Variants in ABCC8 observed in about 807,000 individuals in gnomAD.
ABCC8 encodes ATP-binding cassette sub-family C member 8.
Under a neutral mutation model 188.0 loss-of-function variants are expected in ABCC8, and 137 were observed. That is an observed-to-expected ratio of 0.73 (90% CI 0.63 to 0.84). The LOEUF (loss-of-function observed/expected upper bound fraction) is 0.84. ABCC8 is among the 40% of genes least tolerant of loss of function. The pLI is 0.00. For synonymous variants in ABCC8, 797 were observed against 846.5 expected (o/e 0.94, Z 1.01); for missense variants, 1,750 against 2,072.7 (o/e 0.84, Z 3.02).
chr11:17,410,368 C>A, intron 22 of ABCC8, 148 bp downstream of exon 22: 4 of 892,448 alleles, frequency 4.5e-6, no homozygotes, highest in Non-Finnish European at 7.1e-6. Context: ...CTGAAATGCC[C>A]AGCATGCATA....
At chr11:17,397,476 G>A in intron 31 of ABCC8, 163 bp from the exon 32 acceptor site, 1 of 1,466,602 alleles carries the variant, frequency 6.8e-7, no homozygotes, top group Non-Finnish European at 9.2e-7. Flanking sequence ...CACAGGGAGG[G>A]TCAGTCATGT....
In ABCC8 at chr11:17,406,754, A is replaced by G. The variant is rs762926617; in HGVS notation, c.3197T>C (p.Val1066Ala). ...GCCCAGGCTGCAGAGCACCGTGAACACCATGGCATAGACAGTCTGGTCGAG... is the reference window on the plus strand; with the variant it reads ...GCCCAGGCTGCAGAGCACCGTGAACGCCATGGCATAGACAGTCTGGTCGAG... ...CTLDQTVYAMVFTVLCSLGIV... is the reference protein window; with the variant it reads ...CTLDQTVYAMAFTVLCSLGIV... Residue 1066 changes from valine (V) to alanine (A), a missense_variant, in exon 26 of 39, where the codon GTG becomes GCG. Val to Ala is a moderately conservative substitution (Grantham distance 64). Transcript: ENST00000389817. 6.2e-7 allele frequency: 1 copy of G among 1,614,194 alleles called. No individual in the cohort carries two copies. The highest frequency in any genetic ancestry group is 8.5e-7 in the Non-Finnish European group (1 of 1,180,034).
chr11:17,408,651 T>C, intron 22 of ABCC8, 134 bp from the exon 23 acceptor site: 1 of 1,406,826 alleles, frequency 7.1e-7, no homozygotes, highest in Non-Finnish European at 9.5e-7. Flanking sequence ...GCTCATCCAC[T>C]GCAAGTGGGC....
At chr11:17,428,436 G>C (rs769017955) in intron 13 of ABCC8, 31 bp from the exon 14 acceptor site, 1 of 1,608,854 alleles carries the variant, frequency 6.2e-7, no homozygotes, top group South Asian at 1.1e-5. Context: ...AGGACCCACT[G>C]GGCTGGGAGC....
At chr11:17,430,549 T>G in intron 12 of ABCC8, 1 of 396,264 alleles carries the variant, frequency 2.5e-6, no homozygotes, top group East Asian at 4.6e-5. Flanking sequence ...CAACACTGGT[T>G]TTTTTTTTTT....
intron 33 of ABCC8, chr11:17,396,229 G>A (rs1265321806): frequency 5.7e-6 from 3 of 527,926 alleles, no homozygotes; most frequent in Non-Finnish European, 1.0e-5. Flanking sequence ...GGGCAGTGGT[G>A]TGTCTCTATG....
rs547284017 is a variant in ABCC8 at position 17,450,006 on chromosome 11, G to C, written c.1177-1335C>G. Among the ~76,000 whole-genome samples, 11 of 152,340 alleles carry C rather than the reference G, an allele frequency of 7.2e-5. No individual in the cohort carries two copies. The South Asian group carries it at 1.9e-3, about 26-fold the overall frequency. ...AGTTTCAGTGAAGTAGGGACACCAA[G>C]TGATCTGTGAAATAAAGTCTTATTA... On this transcript the variant is annotated intron_variant, in intron 7 of 38. Coordinates refer to ENST00000389817, the MANE Select transcript of ABCC8 (RefSeq NM_000352.6).
At chr11:17,413,504 C>A (rs1954917390) in intron 19 of ABCC8, 26 bp from the exon 20 acceptor site, 1 of 1,613,106 alleles carries the variant, frequency 6.2e-7, no homozygotes, top group East Asian at 2.2e-5. Context: ...GCAGGGGATG[C>A]AGCTGGTCAG....
intron 23 of ABCC8, 59 bp from the exon 24 acceptor site, chr11:17,407,512 G>A (rs1392053723): frequency 6.2e-7 from 1 of 1,611,274 alleles, no homozygotes; most frequent in South Asian, 1.1e-5. Context: ...TGGGGGAAGG[G>A]GAAGTTAAGG....
At chr11:17,411,935 C>A (rs1954826452) in intron 21 of ABCC8, among the ~76,000 whole-genome samples, 1 of 150,712 alleles carries the variant, frequency 6.6e-6, no homozygotes, top group South Asian at 2.1e-4. Flanking sequence ...GGTTTGTCCC[C>A]AGGCTGGAGT....
intron 16 of ABCC8, 78 bp from the exon 17 acceptor site, chr11:17,417,040 G>A: frequency 6.2e-7 from 1 of 1,603,236 alleles, no homozygotes; most frequent in Non-Finnish European, 8.5e-7. Context: ...GAGTCTTAGG[G>A]GAGAAGCAAT....
chr11:17,448,197 G>A (rs548949184), intron 8 of ABCC8: 79 of 366,004 alleles, frequency 2.2e-4, no homozygotes, highest in African/African-American at 1.5e-3. Flanking sequence ...TAATCTTCCT[G>A]CCTCAGCCTC....
intron 1 of ABCC8, among the ~76,000 whole-genome samples, chr11:17,476,419 G>C (rs1848778427): frequency 2.0e-5 from 3 of 152,248 alleles, no homozygotes; most frequent in African/African-American, 7.2e-5. Context: ...GCTGTGTTTG[G>C]CGCGGGATCG....
At chr11:17,436,722 G>A (rs1424368548) in intron 10 of ABCC8, among the ~76,000 whole-genome samples, 1 of 152,196 alleles carries the variant, frequency 6.6e-6, no homozygotes, top group Non-Finnish European at 1.5e-5. Flanking sequence ...CATCAAAACT[G>A]AAAGCCCTTC....
rs2133596225 is a variant in ABCC8, at chr11:17,442,886, C to T, written c.1468-4G>A. The T allele has an allele frequency of 6.2e-7, 1 of 1,611,610 alleles. No individual in the cohort carries two copies. Among genetic ancestry groups the T allele is most frequent in the Non-Finnish European group, 8.5e-7 (1 of 1,180,014 alleles). The stretch of plus-strand genomic sequence containing the variant: ...TCAGCCGCTCATTGGAATACTCCTG[C>T]AGGGGTCCCCGAGTCAGAGGGGAGA... On this transcript the variant is annotated splice_region_variant and splice_polypyrimidine_tract_variant and intron_variant, in intron 9 of 38. Coordinates refer to ENST00000389817, the MANE Select transcript of ABCC8 (RefSeq NM_000352.6).
intron 22 of ABCC8, among the ~76,000 whole-genome samples, chr11:17,409,706 T>C (rs1266176265): frequency 6.6e-6 from 1 of 152,148 alleles, no homozygotes; most frequent in Non-Finnish European, 1.5e-5. Context: ...AGAATTTATA[T>C]AGGAGTAGGC....
intron 4 of ABCC8, 24 bp from the exon 5 acceptor site, chr11:17,461,849 G>A: frequency 6.2e-7 from 1 of 1,613,050 alleles, no homozygotes; most frequent in Non-Finnish European, 8.5e-7. Flanking sequence ...GGGCCATGGG[G>A]GATGGGTAAG....
chr11:17,435,343 C>G (rs1956041789), intron 10 of ABCC8, among the ~76,000 whole-genome samples: 1 of 152,156 alleles, frequency 6.6e-6, no homozygotes, highest in South Asian at 2.1e-4. Context: ...TTTCCACTGT[C>G]TCAGGAAGAA....
chr11:17,399,088 G>A (rs1268701395), intron 29 of ABCC8: 1 of 155,762 alleles, frequency 6.4e-6, no homozygotes, highest in African/African-American at 2.4e-5. Flanking sequence ...GGCCAACATG[G>A]TGGAATTCTG....
Sources: gnomAD v4.1 joint callset for allele counts (sites outside exome capture counted in the v4.1 genomes callset) on GRCh38, gnomAD v4.1.1 for gene constraint, MANE v1.5 for transcripts, NCBI Gene and HGNC (gene_info 2026-07-23, HGNC 2026-07-21) for gene names.